PHLPP1: variants seen among roughly 807,000 people sequenced by gnomAD.
PHLPP1 encodes the protein PH domain and leucine rich repeat protein phosphatase 1.
A neutral mutation model predicts 117.2 loss-of-function variants in PHLPP1; 42 were observed. The observed-to-expected ratio is 0.36, with a 90% CI of 0.28 to 0.46. The LOEUF (loss-of-function observed/expected upper bound fraction) is 0.46. Ranked by LOEUF, PHLPP1 falls within the 20% of genes least tolerant of loss-of-function variation. The pLI is 1.00. For synonymous variants in PHLPP1, 1,042 were observed against 970.7 expected, an observed-to-expected ratio of 1.07 and a Z score of -1.37; for missense variants, 2,084 against 2,241.9, an observed-to-expected ratio of 0.93 and a Z score of 1.42.
intron 1 of PHLPP1, among the ~76,000 whole-genome samples, chr18:62,759,968 C>T (rs538452254): frequency 4.6e-5 from 7 of 152,214 alleles, no homozygotes; most frequent in Non-Finnish European, 7.4e-5. Flanking sequence ...TATAATCTTC[C>T]GGCTGTTCTC....
At chr18:62,958,819 C>T (rs551418860) in intron 13 of PHLPP1, 60 bp downstream of exon 13, 3 of 1,581,572 alleles carry the variant, frequency 1.9e-6, no homozygotes, top group East Asian at 4.5e-5. Flanking sequence ...GGATTCATAT[C>T]TTAGTGAAAA....
rs1210851635 is a variant in PHLPP1 at position 62,975,741 on chromosome 18, G to C, written c.3984+116G>C. 3 of 680,560 alleles carry C rather than the reference G, an allele frequency of 4.4e-6. No homozygotes were observed. In the African/African-American group the frequency reaches 5.4e-5, roughly 12 times the overall value. The allele number at this position is 680,560 out of a possible 1,614,324, so 42.2% of individuals were successfully genotyped here. A position where few individuals can be genotyped will look rare whatever the true frequency, so the allele number is the denominator to read the frequency against. ...CAAAGAACACTTTTGAAGTTGGTTT[G>C]ACATTAGAATTCCAAATCCATAGTA... On this transcript the variant is annotated intron_variant, in intron 16 of 16. Transcript: ENST00000262719.
intron 1 of PHLPP1, among the ~76,000 whole-genome samples, chr18:62,780,880 T>C (rs555056217): frequency 1.7e-4 from 26 of 152,312 alleles, no homozygotes; most frequent in African/African-American, 6.3e-4. Flanking sequence ...ATACCTCATA[T>C]CCTCTCCAGC....
At chr18:62,770,287 T>G (rs1912716278) in intron 1 of PHLPP1, among the ~76,000 whole-genome samples, 1 of 152,126 alleles carries the variant, frequency 6.6e-6, no homozygotes, top group Non-Finnish European at 1.5e-5. Context: ...ATTTTGTATT[T>G]TTAGTAGATA....
At chr18:62,900,286 G>C (rs921319273) in intron 6 of PHLPP1, among the ~76,000 whole-genome samples, 3 of 150,806 alleles carry the variant, frequency 2.0e-5, no homozygotes, top group African/African-American at 7.3e-5. Context: ...GACAGAGCAA[G>C]ACTTTGCCTT....
At chr18:62,719,004 TAAA>T (rs1270844694) in intron 1 of PHLPP1, among the ~76,000 whole-genome samples, 1 of 152,214 alleles carries the variant, frequency 6.6e-6, no homozygotes, top group Non-Finnish European at 1.5e-5. Context: ...ATCTCAATAT[TAAA>T]AAAGTCTTTC....
chr18:62,721,670 T>C (rs770949701), intron 1 of PHLPP1, among the ~76,000 whole-genome samples: 57 of 152,190 alleles, frequency 3.7e-4, no homozygotes, highest in Admixed American at 1.0e-3. Context: ...TTCATAGTTA[T>C]TCCTAAATTC....
intron 1 of PHLPP1, among the ~76,000 whole-genome samples, chr18:62,810,188 G>C (rs1438861080): frequency 1.3e-5 from 2 of 152,192 alleles, no homozygotes; most frequent in African/African-American, 4.8e-5. Context: ...TGTCCTTTGT[G>C]TATCTATAGT....
chr18:62,756,571 T>C lies in PHLPP1; in HGVS notation c.1576+39312T>C, dbSNP rs540960932. On this transcript the variant is annotated intron_variant, in intron 1 of 16. Coordinates refer to ENST00000262719, the MANE Select transcript of PHLPP1 (RefSeq NM_194449.4). ...TTTTCTCTCTGAGCTCTGCTATCCT[T>C]GACTTGGCGGTTTGCTCTCAGGCAG... Among the ~76,000 whole-genome samples the C allele has an allele frequency of 3.9e-5, 6 of 152,340 alleles. 1 individual carries two copies. The East Asian group carries it at 1.2e-3, about 29-fold the overall frequency.
intron 10 of PHLPP1, among the ~76,000 whole-genome samples, chr18:62,930,359 A>G (rs964174177): frequency 6.6e-6 from 1 of 152,200 alleles, no homozygotes; most frequent in Non-Finnish European, 1.5e-5. Context: ...AATGACATCT[A>G]TAGACTCAAA....
intron 1 of PHLPP1, among the ~76,000 whole-genome samples, chr18:62,829,638 G>C (rs1317901391): frequency 6.6e-6 from 1 of 152,110 alleles, no homozygotes; most frequent in African/African-American, 2.4e-5. Flanking sequence ...TGTAGTCCCA[G>C]CTACATGGGA....
At chr18:62,781,635 C>G (rs947308922) in intron 1 of PHLPP1, among the ~76,000 whole-genome samples, 5 of 152,108 alleles carry the variant, frequency 3.3e-5, no homozygotes, top group African/African-American at 1.2e-4. Flanking sequence ...AGGTATATCT[C>G]TACCCTCCCA....
chr18:62,874,525 A>G (rs535604476), intron 4 of PHLPP1, among the ~76,000 whole-genome samples: 2 of 152,314 alleles, frequency 1.3e-5, no homozygotes, highest in Non-Finnish European at 2.9e-5. Flanking sequence ...CAAACAAAAA[A>G]GGGCAATTAT....
intron 1 of PHLPP1, among the ~76,000 whole-genome samples, chr18:62,812,728 TC>T (rs1389811185): frequency 6.6e-6 from 1 of 151,528 alleles, no homozygotes; most frequent in African/African-American, 2.4e-5. Context: ...TTTTTTTTTT[TC>T]CTATGGAAAA....
intron 8 of PHLPP1, among the ~76,000 whole-genome samples, chr18:62,912,273 G>A (rs1332828556): frequency 7.0e-6 from 1 of 143,864 alleles, no homozygotes; most frequent in African/African-American, 2.6e-5. Context: ...TGCACAATGT[G>A]CACATGTACC....
At chr18:62,975,293 G>A in intron 15 of PHLPP1, 104 bp from the exon 16 acceptor site, 3 of 743,212 alleles carry the variant, frequency 4.0e-6, no homozygotes, top group Non-Finnish European at 7.1e-6. Context: ...ATCCCCAGCT[G>A]TCTCCTTCCT....
At chr18:62,776,212 C>A (rs1475765918) in intron 1 of PHLPP1, among the ~76,000 whole-genome samples, 3 of 152,160 alleles carry the variant, frequency 2.0e-5, no homozygotes, top group Non-Finnish European at 4.4e-5. Flanking sequence ...GTTTGTAGGG[C>A]TGGCCAGCAA....
At chr18:62,777,710 T>C (rs1014231737) in intron 1 of PHLPP1, among the ~76,000 whole-genome samples, 2 of 152,128 alleles carry the variant, frequency 1.3e-5, no homozygotes, top group African/African-American at 2.4e-5. Flanking sequence ...CTGTCTATAT[T>C]TGGATATCAC....
At chr18:62,907,066 G>C (rs1226640416) in intron 8 of PHLPP1, among the ~76,000 whole-genome samples, 1 of 112 alleles carries the variant, frequency 8.9e-3, no homozygotes, top group Non-Finnish European at 0.019. Context: ...CACACGGCAG[G>C]GTATTCCAAC....
Sources: allele counts gnomAD v4.1 joint callset (sites outside exome capture counted in the v4.1 genomes callset), GRCh38; gene constraint gnomAD v4.1.1; transcripts MANE v1.5; gene names NCBI Gene and HGNC (gene_info 2026-07-23, HGNC 2026-07-21).